Variants in SNTG1 observed in about 807,000 individuals in gnomAD.
SNTG1 encodes syntrophin gamma 1, also known as gamma-1-syntrophin.
A neutral mutation model predicts 74.7 loss-of-function variants in SNTG1; 39 were observed. The ratio of observed to expected loss-of-function variants is 0.52; its 90% CI spans 0.40 to 0.68. The LOEUF is 0.68. SNTG1 is among the 30% of genes least tolerant of loss of function. SNTG1 has a pLI of 0.00. For missense variants in SNTG1, 685 were observed against 609.5 expected (o/e 1.12, Z -1.30); for synonymous variants, 254 against 217.1 (o/e 1.17, Z -1.49).
chr8:50,648,468 G>A (rs984570318), intron 13 of SNTG1, among the ~76,000 whole-genome samples: 1 of 151,982 alleles, frequency 6.6e-6, no homozygotes, highest in Non-Finnish European at 1.5e-5. Flanking sequence ...ATTAAAACTA[G>A]AAACCCTGAC....
At chr8:50,214,347 A>T (rs1369421792) in intron 2 of SNTG1, among the ~76,000 whole-genome samples, 1 of 151,740 alleles carries the variant, frequency 6.6e-6, no homozygotes, top group Non-Finnish European at 1.5e-5. Flanking sequence ...AGCATGGCAC[A>T]TGTATACATA....
intron 1 of SNTG1, among the ~76,000 whole-genome samples, chr8:49,917,165 G>T (rs781240543): frequency 6.6e-6 from 1 of 152,070 alleles, no homozygotes; most frequent in Non-Finnish European, 1.5e-5. Flanking sequence ...AAAATCTGAG[G>T]TTCAACATGG....
chr8:49,952,190 G>A (rs974631237), intron 1 of SNTG1, among the ~76,000 whole-genome samples: 2 of 152,058 alleles, frequency 1.3e-5, no homozygotes, highest in Non-Finnish European at 2.9e-5. Flanking sequence ...GCTATATACT[G>A]TATCATGCCA....
At chr8:50,572,888 T>C (rs541257836) in intron 12 of SNTG1, among the ~76,000 whole-genome samples, 2 of 152,278 alleles carry the variant, frequency 1.3e-5, no homozygotes, top group South Asian at 2.1e-4. Flanking sequence ...GCTTTTTGGT[T>C]AAATCTTCAA....
chr8:50,714,452 T>A (rs756864039), intron 17 of SNTG1, among the ~76,000 whole-genome samples: 2 of 151,930 alleles, frequency 1.3e-5, no homozygotes, highest in African/African-American at 2.4e-5. Context: ...ATCAATATCA[T>A]GAAAATGGCC....
At chr8:50,513,030 T>C (rs2094097430) in intron 9 of SNTG1, among the ~76,000 whole-genome samples, 1 of 152,202 alleles carries the variant, frequency 6.6e-6, no homozygotes, top group Non-Finnish European at 1.5e-5. Flanking sequence ...CTCTGTTTTT[T>C]CCCCATCTTT....
chr8:50,004,653 T>C (rs1250433258), intron 1 of SNTG1, among the ~76,000 whole-genome samples: 1 of 152,190 alleles, frequency 6.6e-6, no homozygotes, highest in Non-Finnish European at 1.5e-5. Context: ...TTTGCTATTG[T>C]AGTGATTGGC....
chr8:49,991,596 A>C (rs1371043738), intron 1 of SNTG1, among the ~76,000 whole-genome samples: 1 of 152,148 alleles, frequency 6.6e-6, no homozygotes, highest in East Asian at 1.9e-4. Context: ...AATATTTGAG[A>C]ATAAGAATAA....
chr8:49,926,924 G>A (rs567837768), intron 1 of SNTG1, among the ~76,000 whole-genome samples: 15 of 152,022 alleles, frequency 9.9e-5, no homozygotes, highest in Admixed American at 3.3e-4. Context: ...TTAAAAAATC[G>A]GTAAAGGACC....
intron 4 of SNTG1, among the ~76,000 whole-genome samples, chr8:50,421,372 A>T (rs1449063246): frequency 6.6e-6 from 1 of 152,174 alleles, no homozygotes; most frequent in African/African-American, 2.4e-5. Context: ...CCCCTTTTAA[A>T]CAATACAGCA....
chr8:50,545,005 C>T (rs981050144), intron 11 of SNTG1, among the ~76,000 whole-genome samples: 4 of 151,950 alleles, frequency 2.6e-5, no homozygotes, highest in South Asian at 2.1e-4. Context: ...AGCCATTTAT[C>T]CACTGATGGA....
At chr8:50,066,097 C>T (rs566592823) in intron 1 of SNTG1, among the ~76,000 whole-genome samples, 55 of 152,260 alleles carry the variant, frequency 3.6e-4, no homozygotes, top group African/African-American at 1.2e-3. Context: ...CGCCTTTAAT[C>T]CCAGCTACTC....
chr8:50,006,822 T>A (rs114552673), intron 1 of SNTG1, among the ~76,000 whole-genome samples: 1 of 152,182 alleles, frequency 6.6e-6, no homozygotes, highest in African/African-American at 2.4e-5. Flanking sequence ...AGCCTCGTGC[T>A]TGTCAAGCTA....
At chr8:50,605,880 C>A (rs1403013970) in intron 13 of SNTG1, among the ~76,000 whole-genome samples, 1 of 152,078 alleles carries the variant, frequency 6.6e-6, no homozygotes, top group Non-Finnish European at 1.5e-5. Flanking sequence ...ATAAAAACAT[C>A]TGTCATATTT....
chr8:50,697,455 T>C (rs2095409130), intron 15 of SNTG1, among the ~76,000 whole-genome samples: 1 of 152,166 alleles, frequency 6.6e-6, no homozygotes, highest in Non-Finnish European at 1.5e-5. Flanking sequence ...TAGTACTTTA[T>C]TACTATGTTA....
At chr8:50,332,736 T>C (rs2091011482) in intron 2 of SNTG1, among the ~76,000 whole-genome samples, 1 of 152,186 alleles carries the variant, frequency 6.6e-6, no homozygotes, top group African/African-American at 2.4e-5. Flanking sequence ...ATTAATCTCC[T>C]TAGCCGTTAG....
At chr8:50,128,805 A>T (rs536291926) in intron 1 of SNTG1, among the ~76,000 whole-genome samples, 31 of 152,076 alleles carry the variant, frequency 2.0e-4, no homozygotes, top group Non-Finnish European at 3.8e-4. Flanking sequence ...ATAGAAAATT[A>T]TCTATATGCT....
At chr8:50,289,678 G>A (rs1356096672) in intron 2 of SNTG1, among the ~76,000 whole-genome samples, 2 of 152,108 alleles carry the variant, frequency 1.3e-5, no homozygotes, top group Non-Finnish European at 2.9e-5. Context: ...TATTCCCAGT[G>A]CCTACAATAA....
rs530232748 is a variant in SNTG1 at position 50,363,688 on chromosome 8, G to A, written c.-27-30524G>A. On this transcript the variant is annotated intron_variant, in intron 2 of 18. Transcript: ENST00000642720. The stretch of plus-strand genomic sequence containing the variant: ...TACAAACACTTTTTTTTCTGTAAGA[G>A]GACTTGCAAGTTATATGCTATTATA... Among the ~76,000 whole-genome samples the A allele has an allele frequency of 4.6e-5, 7 of 152,116 alleles. No individual in the cohort carries two copies. The South Asian group carries it at 8.3e-4, about 18-fold the overall frequency.
Sources: allele counts gnomAD v4.1 joint callset (sites outside exome capture counted in the v4.1 genomes callset), GRCh38; gene constraint gnomAD v4.1.1; transcripts MANE v1.5; gene names NCBI Gene and HGNC (gene_info 2026-07-23, HGNC 2026-07-21).